The following LARGE1 variants were observed in gnomAD, a reference collection of about 807,000 sequenced individuals.
LARGE1 encodes xylosyl- and glucuronyltransferase LARGE1.
A neutral mutation model predicts 87.6 loss-of-function variants in LARGE1; 43 were observed. The ratio of observed to expected loss-of-function variants is 0.49; its 90% CI spans 0.38 to 0.63. The LOEUF is 0.63. Ranked by LOEUF, LARGE1 falls within the 30% of genes least tolerant of loss-of-function variation. The pLI, the probability that LARGE1 is intolerant of heterozygous loss-of-function variation, is 0.00. For missense variants in LARGE1, 802 were observed against 1,000.2 expected (o/e 0.80, Z 2.67); for synonymous variants, 434 against 394.6 (o/e 1.10, Z -1.18).
At chr22:33,149,098 C>T in the LARGE1 span, among the ~76,000 whole-genome samples, 12 of 148,074 alleles carry the variant, frequency 8.1e-5, no homozygotes, top group African/African-American at 1.2e-4. Flanking sequence ...AGTGCAGTGG[C>T]GCGATCTCGG....
chr22:33,458,110 C>CT (rs571847420), intron 6 of LARGE1, among the ~76,000 whole-genome samples: 5,048 of 141,992 alleles, frequency 0.036, 125 homozygotes, highest in African/African-American at 0.064. Flanking sequence ...TAATTTTTTT[C>CT]TTTTTTTTTT....
At chr22:33,813,333 G>A (rs2086556767) in intron 1 of LARGE1, among the ~76,000 whole-genome samples, 1 of 151,614 alleles carries the variant, frequency 6.6e-6, no homozygotes, top group African/African-American at 2.4e-5. Context: ...CTAGTCCTGA[G>A]AAGCTTGTGG....
chr22:33,356,871 A>G (rs1601570784), intron 9 of LARGE1, among the ~76,000 whole-genome samples: 2 of 152,336 alleles, frequency 1.3e-5, no homozygotes, highest in South Asian at 4.1e-4. Context: ...GTGTCTGCCC[A>G]CTAGCCAAAT....
intron 3 of LARGE1, among the ~76,000 whole-genome samples, chr22:33,629,810 G>A (rs2080045631): frequency 6.6e-6 from 1 of 152,198 alleles, no homozygotes; most frequent in Admixed American, 6.5e-5. Context: ...CTTGGCTCAT[G>A]CCTGTGGCTC....
chr22:33,447,914 T>A (rs2067751289), intron 6 of LARGE1, among the ~76,000 whole-genome samples: 1 of 152,152 alleles, frequency 6.6e-6, no homozygotes, highest in Non-Finnish European at 1.5e-5. Flanking sequence ...AGGAGCACAG[T>A]ACTAACAGAT....
chr22:33,737,968 G>A (rs1025817898), intron 2 of LARGE1, among the ~76,000 whole-genome samples: 2 of 152,104 alleles, frequency 1.3e-5, no homozygotes, highest in African/African-American at 4.8e-5. Context: ...GTGCCTTTGA[G>A]ACAACCTGCC....
chr22:33,306,446 A>C (rs73166237), intron 11 of LARGE1, among the ~76,000 whole-genome samples: 13,953 of 152,158 alleles, frequency 0.092, 1,051 homozygotes, highest in African/African-American at 0.21. Flanking sequence ...GGGCATGAAG[A>C]GAGGACCACT....
At chr22:33,394,998 T>G (rs1051348233) in intron 7 of LARGE1, among the ~76,000 whole-genome samples, 47 of 151,862 alleles carry the variant, frequency 3.1e-4, no homozygotes, top group African/African-American at 1.1e-3. Context: ...AGGCCAAGGC[T>G]GGCAGATCAC....
At chr22:33,159,140 G>A (rs1200755189), downstream of LARGE1, among the ~76,000 whole-genome samples, 1 of 152,056 alleles carries the variant, frequency 6.6e-6, no homozygotes, top group Non-Finnish European at 1.5e-5. Context: ...GTGTGGCTGT[G>A]TCTTCCTGTC....
chr22:33,316,300 C>T (rs752433093), intron 10 of LARGE1, 52 bp from the exon 11 acceptor site: 1 of 1,589,518 alleles, frequency 6.3e-7, no homozygotes, highest in African/African-American at 1.3e-5. Flanking sequence ...TCCGAGGGGG[C>T]CCATGAGCTT....
At chr22:33,328,946 G>A (rs1937475497) in intron 10 of LARGE1, among the ~76,000 whole-genome samples, 1 of 152,062 alleles carries the variant, frequency 6.6e-6, no homozygotes, top group African/African-American at 2.4e-5. Context: ...CCCACTCTTT[G>A]TGGTGAAGAT....
intron 7 of LARGE1, among the ~76,000 whole-genome samples, chr22:33,420,183 A>G (rs1214404134): frequency 6.6e-6 from 1 of 152,162 alleles, no homozygotes. Context: ...CTGTCTTCGA[A>G]ACACTTATCT....
chr22:33,657,264 C>T lies in LARGE1; in HGVS notation c.107-6596G>A, dbSNP rs1259237316. The T allele has an allele frequency of 2.0e-5, 3 of 152,326 alleles. No homozygotes were observed. In the East Asian group the frequency reaches 5.8e-4, roughly 29 times the overall value. 9.4% of individuals were successfully genotyped at this position (152,326 alleles called of 1,614,324 possible). A position where few individuals can be genotyped will look rare whatever the true frequency, so the allele number is the denominator to read the frequency against. On this transcript the variant is annotated intron_variant, in intron 2 of 14. Transcript: ENST00000397394. ...CATCCTGCCCGTGATAAAGACACTA[C>T]ATCCCTAACCTTTATATGGCAAAAT...
At chr22:33,503,242 CTTTTTTTTT>C in intron 6 of LARGE1, among the ~76,000 whole-genome samples, 1 of 142,858 alleles carries the variant, frequency 7.0e-6, no homozygotes, top group Non-Finnish European at 1.5e-5. Flanking sequence ...AGGAGTTCCC[CTTTTTTTTT>C]TTTTTTTGTT....
At chr22:33,748,606 G>C (rs531697035) in intron 2 of LARGE1, among the ~76,000 whole-genome samples, 30 of 152,280 alleles carry the variant, frequency 2.0e-4, no homozygotes, top group Non-Finnish European at 3.7e-4. Context: ...GAGAGGTTAA[G>C]TGACTCAATG....
intron 9 of LARGE1, among the ~76,000 whole-genome samples, chr22:33,379,908 GGTTTTAGGA>G (rs1192190841): frequency 3.9e-5 from 6 of 152,056 alleles, no homozygotes; most frequent in Non-Finnish European, 8.8e-5. Context: ...AAATTTCAAG[GGTTTTAGGA>G]GCTCTGTTCC....
At chr22:33,822,521 A>T (rs558928248) in intron 1 of LARGE1, among the ~76,000 whole-genome samples, 2 of 152,104 alleles carry the variant, frequency 1.3e-5, no homozygotes, top group Non-Finnish European at 2.9e-5. Flanking sequence ...CAACATGGTG[A>T]AGCCCCATCT....
intron 6 of LARGE1, among the ~76,000 whole-genome samples, chr22:33,561,555 C>T (rs557046548): frequency 2.6e-5 from 4 of 152,302 alleles, no homozygotes; most frequent in East Asian, 3.9e-4. Flanking sequence ...ACTAGCACCC[C>T]GGTGTAGCTA....
chr22:33,171,721 C>T (rs1922583287), intron 11 of LARGE1, among the ~76,000 whole-genome samples: 1 of 152,214 alleles, frequency 6.6e-6, no homozygotes, highest in Non-Finnish European at 1.5e-5. Flanking sequence ...ACCTAGATTT[C>T]AGAGGATGTA....
Sources: allele counts gnomAD v4.1 joint callset (sites outside exome capture counted in the v4.1 genomes callset), GRCh38; gene constraint gnomAD v4.1.1; transcripts MANE v1.5; gene names NCBI Gene and HGNC (gene_info 2026-07-23, HGNC 2026-07-21).